CNTNAP2: variants seen among roughly 807,000 people sequenced by gnomAD.
CNTNAP2 encodes contactin-associated protein-like 2.
In CNTNAP2, 98 loss-of-function variants were observed where a neutral mutation model predicts 155.2. The ratio of observed to expected loss-of-function variants is 0.63; its 90% CI spans 0.54 to 0.75. The LOEUF (loss-of-function observed/expected upper bound fraction) is 0.75, where lower values mean the gene tolerates loss of function less well. CNTNAP2 is among the 30% of genes least tolerant of loss of function. CNTNAP2 has a pLI of 0.00. For synonymous variants in CNTNAP2, 651 were observed against 631.2 expected (o/e 1.03, Z -0.47); for missense variants, 1,727 against 1,688.1 (o/e 1.02, Z -0.40).
At chr7:146,637,323 C>T (rs1307508676) in intron 1 of CNTNAP2, among the ~76,000 whole-genome samples, 2 of 152,124 alleles carry the variant, frequency 1.3e-5, no homozygotes, top group African/African-American at 4.8e-5. Flanking sequence ...TTTAATTAAA[C>T]AAAGGAAGTC....
At chr7:146,614,558 G>T (rs918571442) in intron 1 of CNTNAP2, among the ~76,000 whole-genome samples, 9 of 152,200 alleles carry the variant, frequency 5.9e-5, no homozygotes, top group African/African-American at 1.4e-4. Flanking sequence ...AATCATGTCT[G>T]CTGGGGATTC....
At chr7:148,288,944 C>CAAAAA (rs58641348) in intron 21 of CNTNAP2, among the ~76,000 whole-genome samples, 17 of 101,746 alleles carry the variant, frequency 1.7e-4, no homozygotes, top group African/African-American at 5.8e-4. Context: ...TCTTATTCAG[C>CAAAAA]AAAAAAAAAA....
At chr7:146,876,267 A>C (rs956201798) in intron 3 of CNTNAP2, among the ~76,000 whole-genome samples, 3 of 152,052 alleles carry the variant, frequency 2.0e-5, no homozygotes, top group African/African-American at 7.2e-5. Flanking sequence ...TGAAGGTCAT[A>C]TTCTTGCTGC....
chr7:148,229,125 C>T (rs745731283), intron 19 of CNTNAP2, among the ~76,000 whole-genome samples: 5 of 152,144 alleles, frequency 3.3e-5, no homozygotes, highest in Admixed American at 1.3e-4. Context: ...TAAATATGTG[C>T]GAGCCTGGTG....
At chr7:147,438,969 C>CAA (rs1797596560) in intron 10 of CNTNAP2, among the ~76,000 whole-genome samples, 1 of 151,690 alleles carries the variant, frequency 6.6e-6, no homozygotes, top group South Asian at 2.1e-4. Flanking sequence ...TATTTATTTG[C>CAA]ATCTTCTCTC....
At chr7:148,388,207 A>G (rs1799261224) in intron 22 of CNTNAP2, among the ~76,000 whole-genome samples, 1 of 152,010 alleles carries the variant, frequency 6.6e-6, no homozygotes, top group Admixed American at 6.6e-5. Context: ...GGTTAGTTAC[A>G]TATGTATACA....
chr7:146,636,835 A>T (rs2129160119), intron 1 of CNTNAP2, among the ~76,000 whole-genome samples: 1 of 152,298 alleles, frequency 6.6e-6, no homozygotes, highest in African/African-American at 2.4e-5. Context: ...CTCTTTGCCA[A>T]GTCTAAGCTG....
intron 15 of CNTNAP2, among the ~76,000 whole-genome samples, chr7:148,002,330 A>G (rs1050203880): frequency 2.0e-5 from 3 of 152,188 alleles, no homozygotes; most frequent in Non-Finnish European, 2.9e-5. Context: ...TAGACTGAAT[A>G]TATATTTAGA....
At chr7:148,291,170 C>T (rs188906768) in intron 21 of CNTNAP2, among the ~76,000 whole-genome samples, 104 of 151,922 alleles carry the variant, frequency 6.8e-4, no homozygotes, top group African/African-American at 2.4e-3. Flanking sequence ...ATTCAGAGGC[C>T]GTACTGACTT....
intron 10 of CNTNAP2, among the ~76,000 whole-genome samples, chr7:147,471,435 A>C (rs1426716272): frequency 6.6e-6 from 1 of 152,246 alleles, no homozygotes; most frequent in Non-Finnish European, 1.5e-5. Flanking sequence ...GACACATGGA[A>C]AAATCTGAAA....
chr7:146,378,233 T>C (rs1391206933), intron 1 of CNTNAP2, among the ~76,000 whole-genome samples: 1 of 152,136 alleles, frequency 6.6e-6, no homozygotes, highest in Non-Finnish European at 1.5e-5. Context: ...CTGAATTTTG[T>C]AATCTTGGTT....
At chr7:147,667,217 A>G (rs987667840) in intron 13 of CNTNAP2, among the ~76,000 whole-genome samples, 3 of 152,206 alleles carry the variant, frequency 2.0e-5, no homozygotes, top group African/African-American at 7.2e-5. Flanking sequence ...AATTTCTGAA[A>G]ACTCTAGTTT....
chr7:146,155,258 T>A (rs1798107920), intron 1 of CNTNAP2, among the ~76,000 whole-genome samples: 1 of 152,210 alleles, frequency 6.6e-6, no homozygotes, highest in African/African-American at 2.4e-5. Context: ...AATCATTTAT[T>A]TTTAAATCAC....
chr7:146,564,696 T>A (rs1355119428), intron 1 of CNTNAP2, among the ~76,000 whole-genome samples: 1 of 151,542 alleles, frequency 6.6e-6, no homozygotes, highest in East Asian at 1.9e-4. Context: ...ATTTTTTGGC[T>A]GTCCACAACA....
chr7:147,635,091 C>G (rs1795153016), intron 12 of CNTNAP2, among the ~76,000 whole-genome samples: 1 of 151,898 alleles, frequency 6.6e-6, no homozygotes, highest in Non-Finnish European at 1.5e-5. Flanking sequence ...CCTTTTGCAG[C>G]TTTTGCTGTA....
intron 1 of CNTNAP2, among the ~76,000 whole-genome samples, chr7:146,420,282 T>C (rs1795992503): frequency 6.6e-6 from 1 of 152,128 alleles, no homozygotes; most frequent in Admixed American, 6.6e-5. Flanking sequence ...TTGAGAGTCT[T>C]GAATAAACTT....
At chr7:147,749,021 G>T (rs1462202429) in intron 13 of CNTNAP2, among the ~76,000 whole-genome samples, 1 of 152,184 alleles carries the variant, frequency 6.6e-6, no homozygotes, top group African/African-American at 2.4e-5. Flanking sequence ...CTCTGTCAAC[G>T]ATTGGACAAA....
intron 8 of CNTNAP2, among the ~76,000 whole-genome samples, chr7:147,280,849 C>T (rs1469002467): frequency 2.0e-5 from 3 of 151,810 alleles, no homozygotes; most frequent in Admixed American, 1.3e-4. Flanking sequence ...TTGTAGAAAT[C>T]TGAGTTAATA....
At chr7:146,479,465 AAC>A (rs1796927314) in intron 1 of CNTNAP2, among the ~76,000 whole-genome samples, 1 of 152,198 alleles carries the variant, frequency 6.6e-6, no homozygotes, top group Non-Finnish European at 1.5e-5. Context: ...ATAAATTTAT[AAC>A]AGTTTTATGA....
Sources: allele counts gnomAD v4.1 joint callset (sites outside exome capture counted in the v4.1 genomes callset), GRCh38; gene constraint gnomAD v4.1.1; transcripts MANE v1.5; gene names NCBI Gene and HGNC (gene_info 2026-07-23, HGNC 2026-07-21).